PCBD2: variants seen among roughly 807,000 people sequenced by gnomAD.
The protein encoded by PCBD2 is pterin-4 alpha-carbinolamine dehydratase 2, also known as pterin-4-alpha-carbinolamine dehydratase 2.
In PCBD2, 12 loss-of-function variants were observed where a neutral mutation model predicts 16.4. The ratio of observed to expected loss-of-function variants is 0.73; its 90% CI spans 0.47 to 1.19. The LOEUF is 1.19. Ranked by LOEUF, PCBD2 falls within the 50% of genes most tolerant of loss-of-function variation. PCBD2 has a pLI of 0.00. For synonymous variants in PCBD2, 58 were observed against 61.8 expected (o/e 0.94, Z 0.29); for missense variants, 138 against 156.8 (o/e 0.88, Z 0.64).
intron 2 of PCBD2, among the ~76,000 whole-genome samples, chr5:134,917,289 C>T (rs764747012): frequency 1.8e-4 from 27 of 152,256 alleles, no homozygotes; most frequent in Non-Finnish European, 3.4e-4. Context: ...CCAGCCGGGC[C>T]AGGCGGCAAC....
intron 2 of PCBD2, among the ~76,000 whole-genome samples, chr5:134,942,029 G>A (rs1268312381): frequency 1.3e-5 from 2 of 150,476 alleles, no homozygotes; most frequent in African/African-American, 4.9e-5. Flanking sequence ...ACTTGGGGGG[G>A]CTGAGGCAGG....
intron 2 of PCBD2, 56 bp downstream of exon 2, chr5:134,910,522 T>TA: frequency 6.4e-7 from 1 of 1,569,178 alleles, no homozygotes; most frequent in South Asian, 1.1e-5. Context: ...CCTTAGGCCA[T>TA]AACACTTTCT....
rs1270972252 is a variant in PCBD2 at position 134,961,253 on chromosome 5, A to G, written c.*572A>G. 6.6e-6 allele frequency: 1 copy of G among 151,740 alleles called. No homozygotes were observed. Among genetic ancestry groups the G allele is most frequent in the East Asian group, 1.9e-4 (1 of 5,186 alleles). 9.4% of individuals were successfully genotyped at this position (151,740 alleles called of 1,614,324 possible). On this transcript the variant is annotated 3_prime_UTR_variant, in exon 4 of 4. Transcript: ENST00000254908. ...TCATATACCTAAGATAAACCAACCC[A>G]GTTACTTATATTAATAATATTCAGA...
chr5:134,914,472 G>A (rs544179301), intron 2 of PCBD2, among the ~76,000 whole-genome samples: 2 of 152,148 alleles, frequency 1.3e-5, no homozygotes, highest in African/African-American at 4.8e-5. Context: ...GTGTTCCGCT[G>A]CTGTGCACAA....
chr5:134,918,536 G>A (rs545382972), intron 2 of PCBD2, among the ~76,000 whole-genome samples: 3 of 152,074 alleles, frequency 2.0e-5, no homozygotes, highest in South Asian at 2.1e-4. Context: ...AAAAAATGTC[G>A]TTTTGATTTG....
At position 134,960,642 on chromosome 5, in the gene PCBD2, G is replaced by C. The variant is rs144454290; in HGVS notation, c.354G>C (p.Lys118Asn). 1 of 1,613,610 alleles carries C rather than the reference G, an allele frequency of 6.2e-7. No individual in the cohort carries two copies. The highest frequency in any genetic ancestry group is 8.5e-7 in the Non-Finnish European group (1 of 1,179,524). The change falls in exon 4 of 4, where the codon AAG becomes AAC. Residue 118 changes from lysine to asparagine, a missense_variant. By Grantham distance (94) the Lys-to-Asn change is moderately conservative. Transcript: ENST00000254908. The part of the protein sequence containing the change: ...DCGELTKKDV[K>N]LAKFIEKAAA... ...GTGAACTGACCAAAAAAGATGTGAA[G>C]CTGGCCAAGTTTATTGAAAAAGCAG...
chr5:134,926,663 G>A (rs879198869), intron 2 of PCBD2: 4 of 396,694 alleles, frequency 1.0e-5, no homozygotes, highest in Non-Finnish European at 1.8e-5. Context: ...ATTTACAGGA[G>A]GAAAACCCGG....
chr5:134,905,600 T>C (rs1026161536), intron 1 of PCBD2: 4 of 188,142 alleles, frequency 2.1e-5, no homozygotes, highest in Non-Finnish European at 4.3e-5. Flanking sequence ...CGGGCCTGGC[T>C]CCCTATGGCG....
intron 2 of PCBD2, among the ~76,000 whole-genome samples, chr5:134,921,436 G>T (rs1750902062): frequency 6.6e-6 from 1 of 152,118 alleles, no homozygotes; most frequent in Non-Finnish European, 1.5e-5. Context: ...AGGCACTAAG[G>T]GAGGGGTTAG....
chr5:134,922,623 T>C (rs1248799366), intron 2 of PCBD2, among the ~76,000 whole-genome samples: 1 of 152,040 alleles, frequency 6.6e-6, no homozygotes, highest in Non-Finnish European at 1.5e-5. Flanking sequence ...AAAAAGTTAA[T>C]GTATCATTAC....
At chr5:134,917,147 T>A (rs1750843272) in intron 2 of PCBD2, among the ~76,000 whole-genome samples, 1 of 152,208 alleles carries the variant, frequency 6.6e-6, no homozygotes, top group Non-Finnish European at 1.5e-5. Context: ...CATTGACATG[T>A]ATGGGATGAA....
At chr5:134,953,657 C>T (rs143497015) in intron 2 of PCBD2, among the ~76,000 whole-genome samples, 2,459 of 151,996 alleles carry the variant, frequency 0.016, 30 homozygotes, top group South Asian at 0.039. Context: ...AAAAATTAGC[C>T]GGGTGTGGTG....
intron 2 of PCBD2, among the ~76,000 whole-genome samples, chr5:134,929,073 A>G (rs1205414221): frequency 3.3e-5 from 5 of 152,184 alleles, no homozygotes; most frequent in African/African-American, 4.8e-5. Context: ...AAGCCAAGGT[A>G]ATAGATGAGA....
chr5:134,932,498 C>T (rs146166653), intron 2 of PCBD2, among the ~76,000 whole-genome samples: 59 of 152,218 alleles, frequency 3.9e-4, no homozygotes, highest in African/African-American at 1.3e-3. Context: ...TGCGCCACCA[C>T]GCTCAGCTAA....
chr5:134,950,770 T>A (rs1446757837), intron 2 of PCBD2, among the ~76,000 whole-genome samples: 1 of 152,198 alleles, frequency 6.6e-6, no homozygotes, highest in Non-Finnish European at 1.5e-5. Context: ...GTTCATAAAA[T>A]GTTTGTAATT....
intron 2 of PCBD2, among the ~76,000 whole-genome samples, chr5:134,919,656 C>T (rs956754738): frequency 3.3e-5 from 5 of 152,164 alleles, no homozygotes; most frequent in African/African-American, 1.2e-4. Context: ...GAGGCATTTG[C>T]CTGCATTGCT....
rs187343243 is a variant in PCBD2 at position 134,934,582 on chromosome 5, C to T, written c.216+24116C>T. On this transcript the variant is annotated intron_variant, in intron 2 of 3. Transcript: ENST00000254908. ...TAACTGTCTTACATTCTTAATCTTTCGGCTTTTTGGTTGAAATACATCTAT... is the reference window on the plus strand; with the variant it reads ...TAACTGTCTTACATTCTTAATCTTTTGGCTTTTTGGTTGAAATACATCTAT... Among the ~76,000 whole-genome samples the T allele has an allele frequency of 1.6e-3, 239 of 152,268 alleles. 1 individual carries two copies. The highest frequency in any genetic ancestry group is 5.4e-3 in the African/African-American group (225 of 41,546).
chr5:134,926,813 G>A, intron 2 of PCBD2: 1 of 398,156 alleles, frequency 2.5e-6, no homozygotes, highest in Non-Finnish European at 4.4e-6. Context: ...TAAATATGTA[G>A]AGGGAGTATA....
intron 2 of PCBD2, among the ~76,000 whole-genome samples, chr5:134,941,737 A>G (rs1387135045): frequency 3.3e-5 from 5 of 152,232 alleles, no homozygotes; most frequent in Admixed American, 6.5e-5. Context: ...AGTTTTGGAA[A>G]AAAGGGCACA....
Sources: gnomAD v4.1 joint callset for allele counts (sites outside exome capture counted in the v4.1 genomes callset) on GRCh38, gnomAD v4.1.1 for gene constraint, MANE v1.5 for transcripts, NCBI Gene and HGNC (gene_info 2026-07-23, HGNC 2026-07-21) for gene names.